GIPC2: variants seen among roughly 807,000 people sequenced by gnomAD.
The protein encoded by GIPC2 is GIPC PDZ domain containing family member 2, also known as PDZ domain-containing protein GIPC2.
In GIPC2, 30 loss-of-function variants were observed where a neutral mutation model predicts 30.6. That is an observed-to-expected ratio of 0.98 (90% confidence interval 0.73 to 1.33). The LOEUF is 1.33. Among genes scored for constraint, GIPC2 ranks in the 40% most tolerant of loss-of-function variants. The pLI, the probability that GIPC2 is intolerant of heterozygous loss-of-function variation, is 0.00. For synonymous variants in GIPC2, 167 were observed against 150.0 expected, an observed-to-expected ratio of 1.11 and a Z score of -0.83; for missense variants, 414 against 390.3, an observed-to-expected ratio of 1.06 and a Z score of -0.51.
intron 3 of GIPC2, among the ~76,000 whole-genome samples, chr1:78,116,796 A>G: frequency 6.6e-6 from 1 of 152,200 alleles, no homozygotes; most frequent in South Asian, 2.1e-4. Context: ...TGCTATTGTG[A>G]ATAGTGCTGC....
chr1:78,101,755 T>A (rs1327990052), intron 3 of GIPC2, among the ~76,000 whole-genome samples: 2 of 152,184 alleles, frequency 1.3e-5, no homozygotes, highest in Non-Finnish European at 2.9e-5. Flanking sequence ...TGGTATTTTT[T>A]AGGGCATGGC....
At chr1:78,052,004 C>G (rs1661207109) in intron 1 of GIPC2, among the ~76,000 whole-genome samples, 1 of 152,212 alleles carries the variant, frequency 6.6e-6, no homozygotes, top group African/African-American at 2.4e-5. Flanking sequence ...TCCCCTCTCA[C>G]TTGGAACAAA....
At chr1:78,099,400 T>C (rs1662197787) in intron 3 of GIPC2, among the ~76,000 whole-genome samples, 1 of 151,878 alleles carries the variant, frequency 6.6e-6, no homozygotes, top group African/African-American at 2.4e-5. Context: ...CAAGTGTGCT[T>C]AAGAAGTTCA....
rs1215955982 is a variant in GIPC2, at chr1:78,136,307, C to G, written c.*564C>G. The G allele has an allele frequency of 1.3e-5, 2 of 152,042 alleles. No homozygotes were observed. Among genetic ancestry groups the G allele is most frequent in the African/African-American group, 4.8e-5 (2 of 41,398 alleles). 9.4% of individuals were successfully genotyped at this position (152,042 alleles called of 1,614,324 possible). On this transcript the variant is annotated 3_prime_UTR_variant, in exon 6 of 6. Coordinates refer to ENST00000370759, the MANE Select transcript of GIPC2 (RefSeq NM_017655.6). ...TGTTGATTTCTATGGCCAACTTTCT[C>G]TCTTTGTAAAACAAAGATTGATTGA...
At chr1:78,055,082 T>G (rs965968985) in intron 1 of GIPC2, among the ~76,000 whole-genome samples, 2 of 152,170 alleles carry the variant, frequency 1.3e-5, no homozygotes, top group African/African-American at 4.8e-5. Flanking sequence ...CAACAAAAAT[T>G]TATTGACTGG....
intron 3 of GIPC2, among the ~76,000 whole-genome samples, chr1:78,111,740 T>C (rs1360136811): frequency 6.6e-6 from 1 of 152,240 alleles, no homozygotes; most frequent in Admixed American, 6.5e-5. Context: ...AAAGCATCTT[T>C]CATACAGTGG....
At chr1:78,065,816 T>G (rs1571482139) in intron 1 of GIPC2, among the ~76,000 whole-genome samples, 1 of 152,074 alleles carries the variant, frequency 6.6e-6, no homozygotes, top group Non-Finnish European at 1.5e-5. Context: ...ATTCAATAAA[T>G]GGTGCTGGGA....
chr1:78,086,464 G>A (rs1661929365), intron 2 of GIPC2, among the ~76,000 whole-genome samples: 1 of 152,062 alleles, frequency 6.6e-6, no homozygotes, highest in Admixed American at 6.6e-5. Context: ...TTGAGTTCAG[G>A]TCCTGAATAT....
chr1:78,136,092 G>T lies in GIPC2; in HGVS notation c.*349G>T. 6.0e-6 allele frequency: 1 copy of T among 166,874 alleles called. No individual in the cohort carries two copies. The highest frequency in any genetic ancestry group is 1.8e-4 in the South Asian group (1 of 5,646). The allele number at this position is 166,874 out of a possible 1,614,324, so 10.3% of individuals were successfully genotyped here. A position where few individuals can be genotyped will look rare whatever the true frequency, so the allele number is the denominator to read the frequency against. ...ATAAATAGATGATTTCAATAGCTTT[G>T]TAGTTTTTTTTCAAAATCTTAATGT... On this transcript the variant is annotated 3_prime_UTR_variant, in exon 6 of 6. Transcript: ENST00000370759.
chr1:78,050,960 A>G (rs1055236894), intron 1 of GIPC2, among the ~76,000 whole-genome samples: 1 of 152,126 alleles, frequency 6.6e-6, no homozygotes, highest in African/African-American at 2.4e-5. Context: ...TAAAATATCC[A>G]GGTTACATGA....
chr1:78,082,268 A>T (rs1661845275), intron 2 of GIPC2, among the ~76,000 whole-genome samples: 1 of 152,210 alleles, frequency 6.6e-6, no homozygotes, highest in African/African-American at 2.4e-5. Flanking sequence ...CACTCGATTA[A>T]GAATTAATGA....
chr1:78,088,670 C>G (rs1433123353), intron 2 of GIPC2, among the ~76,000 whole-genome samples: 1 of 152,098 alleles, frequency 6.6e-6, no homozygotes, highest in East Asian at 1.9e-4. Context: ...TAGTGAGACT[C>G]TGTCTCTACA....
intron 3 of GIPC2, among the ~76,000 whole-genome samples, chr1:78,104,438 G>C (rs1397248814): frequency 6.6e-6 from 1 of 152,116 alleles, no homozygotes; most frequent in Admixed American, 6.5e-5. Context: ...TAGAACTGAA[G>C]AATGACATGA....
chr1:78,089,734 A>G (rs2100364970), intron 2 of GIPC2, among the ~76,000 whole-genome samples: 1 of 152,366 alleles, frequency 6.6e-6, no homozygotes, highest in South Asian at 2.1e-4. Context: ...AACAAAAAGT[A>G]TATAAATACC....
chr1:78,119,236 T>G (rs17101311), intron 3 of GIPC2, among the ~76,000 whole-genome samples, 157 bp from the exon 4 acceptor site: 4,333 of 152,354 alleles, frequency 0.028, 88 homozygotes, highest in South Asian at 0.11. Context: ...CAAGTACATT[T>G]ATTTTGCTTC....
chr1:78,092,225 G>C (rs1662056291), intron 2 of GIPC2, among the ~76,000 whole-genome samples: 1 of 152,184 alleles, frequency 6.6e-6, no homozygotes, highest in Admixed American at 6.5e-5. Flanking sequence ...TTTAGGGAGA[G>C]TGTATGCTGC....
At chr1:78,069,327 C>G (rs952439197) in intron 1 of GIPC2, among the ~76,000 whole-genome samples, 6 of 152,200 alleles carry the variant, frequency 3.9e-5, no homozygotes, top group African/African-American at 1.4e-4. Context: ...CTTGTGGATT[C>G]AGTCCTGTCA....
intron 3 of GIPC2, among the ~76,000 whole-genome samples, chr1:78,116,576 A>G (rs1177465873): frequency 2.0e-5 from 3 of 151,832 alleles, no homozygotes; most frequent in Non-Finnish European, 4.4e-5. Context: ...TCATTGTTCA[A>G]TTCCCACCTA....
At chr1:78,086,902 G>C (rs1211955757) in intron 2 of GIPC2, among the ~76,000 whole-genome samples, 1 of 152,042 alleles carries the variant, frequency 6.6e-6, no homozygotes, top group Non-Finnish European at 1.5e-5. Flanking sequence ...TTGCCACTCT[G>C]TGCATTTTAA....
Sources: gnomAD v4.1 joint callset for allele counts (sites outside exome capture counted in the v4.1 genomes callset) on GRCh38, gnomAD v4.1.1 for gene constraint, MANE v1.5 for transcripts, NCBI Gene and HGNC (gene_info 2026-07-23, HGNC 2026-07-21) for gene names.